The following GRM8 variants were observed in gnomAD, a reference collection of about 807,000 sequenced individuals.
The protein encoded by GRM8 is metabotropic glutamate receptor 8.
A neutral mutation model predicts 87.2 loss-of-function variants in GRM8; 47 were observed. The ratio of observed to expected loss-of-function variants is 0.54; its 90% CI spans 0.43 to 0.69. The LOEUF (loss-of-function observed/expected upper bound fraction) is 0.69, where lower values mean the gene tolerates loss of function less well. Among genes scored for constraint, GRM8 ranks in the 30% least tolerant of loss-of-function variants. The pLI is 0.00. For synonymous variants in GRM8, 396 were observed against 404.5 expected (o/e 0.98, Z 0.25); for missense variants, 1,019 against 1,139.2 (o/e 0.89, Z 1.52).
intron 2 of GRM8, among the ~76,000 whole-genome samples, chr7:127,148,028 G>A (rs909414106): frequency 6.6e-6 from 1 of 151,972 alleles, no homozygotes; most frequent in Admixed American, 6.6e-5. Flanking sequence ...AGAGTCTCAG[G>A]TCCCACCTTA....
chr7:126,955,639 G>A (rs1808598538), intron 3 of GRM8, among the ~76,000 whole-genome samples: 1 of 151,990 alleles, frequency 6.6e-6, no homozygotes, highest in Non-Finnish European at 1.5e-5. Context: ...TCTTTATCTG[G>A]CCTCAAGAGA....
intron 7 of GRM8, among the ~76,000 whole-genome samples, chr7:126,665,725 T>C (rs1805688357): frequency 6.6e-6 from 1 of 152,096 alleles, no homozygotes; most frequent in African/African-American, 2.4e-5. Flanking sequence ...CATGCACTTG[T>C]ACTCCCTGAA....
At chr7:126,620,753 C>T (rs1800074051) in intron 7 of GRM8, among the ~76,000 whole-genome samples, 1 of 152,160 alleles carries the variant, frequency 6.6e-6, no homozygotes. Context: ...AACGCAAACA[C>T]TCATCATCTT....
At position 127,015,056 on chromosome 7, in the gene GRM8, AAGAAGAAGAAGAAAGAAAGAAGGAG is replaced by A. The variant is rs1563413279; in HGVS notation, c.727+91415_727+91439del. Among the ~76,000 whole-genome samples, 430 of 122,852 alleles carry A rather than the reference AAGAAGAAGAAGAAAGAAAGAAGGAG, an allele frequency of 3.5e-3. 3 individuals are homozygous for A. Among genetic ancestry groups the A allele is most frequent in the Non-Finnish European group, 5.7e-3 (307 of 54,312 alleles). 80.6% of individuals were successfully genotyped at this position (122,852 alleles called of 152,430 possible). On this transcript the variant is annotated intron_variant, in intron 3 of 10. Transcript: ENST00000339582. ...GAAGAAGAAGAAGAAGAAGAAGAAG[AAGAAGAAGAAGAAAGAAAGAAGGAG>A]AAGAAGGAGAAGAAGGAGAAGGAGA... is the stretch of plus-strand genomic sequence containing the variant.
chr7:127,094,471 C>T (rs973378365), intron 3 of GRM8, among the ~76,000 whole-genome samples: 4 of 152,280 alleles, frequency 2.6e-5, no homozygotes, highest in South Asian at 2.1e-4. Flanking sequence ...GGGCTCAATC[C>T]GGCAGCCATG....
At chr7:126,570,291 G>T (rs183713075) in intron 8 of GRM8, among the ~76,000 whole-genome samples, 1 of 152,250 alleles carries the variant, frequency 6.6e-6, no homozygotes, top group East Asian at 1.9e-4. Context: ...CCCACTGGGA[G>T]ACAGTGTAGA....
chr7:126,516,945 G>A (rs1346476027), intron 9 of GRM8, among the ~76,000 whole-genome samples: 2 of 151,878 alleles, frequency 1.3e-5, no homozygotes, highest in Non-Finnish European at 2.9e-5. Context: ...TGTTATTAGA[G>A]TGTGGAGAAT....
intron 7 of GRM8, among the ~76,000 whole-genome samples, chr7:126,662,296 G>T (rs1050689881): frequency 1.8e-4 from 27 of 152,196 alleles, no homozygotes; most frequent in Non-Finnish European, 2.5e-4. Context: ...GTGTGAAAAT[G>T]AAAGAAACCA....
At chr7:126,763,462 TATATATATATACAC>T (rs967595024) in intron 7 of GRM8, among the ~76,000 whole-genome samples, 3 of 64,414 alleles carry the variant, frequency 4.7e-5, no homozygotes, top group African/African-American at 1.2e-4. Flanking sequence ...TATATATATA[TATATATATATACAC>T]ACACACACAC....
intron 7 of GRM8, among the ~76,000 whole-genome samples, chr7:126,669,672 A>G (rs1274678756): frequency 6.6e-6 from 1 of 152,262 alleles, no homozygotes; most frequent in African/African-American, 2.4e-5. Context: ...GGTTGCAGTT[A>G]GCACACAATT....
In GRM8 at chr7:126,836,450, C is replaced by T. The variant is rs78447361; in HGVS notation, c.1156+66092G>A. ...CCTTCTGTGTCACTTAAAAGAAATT[C>T]AAATTCCATAACATAGCCCACAATA... On this transcript the variant is annotated intron_variant, in intron 6 of 10. Coordinates refer to ENST00000339582, the MANE Select transcript of GRM8 (RefSeq NM_000845.3). Among the ~76,000 whole-genome samples the T allele has an allele frequency of 9.4e-3, 1,437 of 152,272 alleles. 10 individuals are homozygous for T. The highest frequency in any genetic ancestry group is 0.015 in the Non-Finnish European group (993 of 68,016).
chr7:126,854,976 A>C (rs1304899370), intron 6 of GRM8, among the ~76,000 whole-genome samples: 3 of 152,124 alleles, frequency 2.0e-5, no homozygotes. Context: ...GTTGAATAGA[A>C]GTGGTGAAAG....
chr7:126,786,318 G>A (rs992180451), intron 6 of GRM8, among the ~76,000 whole-genome samples: 3 of 151,954 alleles, frequency 2.0e-5, no homozygotes, highest in Admixed American at 6.6e-5. Flanking sequence ...CCAAATTAAC[G>A]AACTTTTTAA....
intron 2 of GRM8, among the ~76,000 whole-genome samples, chr7:127,156,269 C>A (rs1792724324): frequency 1.3e-5 from 2 of 152,078 alleles, no homozygotes; most frequent in South Asian, 2.1e-4. Flanking sequence ...AATAGCAGCA[C>A]CAGCCCACCT....
intron 7 of GRM8, among the ~76,000 whole-genome samples, chr7:126,632,495 C>A (rs771577852): frequency 6.6e-6 from 1 of 152,074 alleles, no homozygotes. Context: ...AGATTTAAAA[C>A]CAGAAATACC....
intron 3 of GRM8, among the ~76,000 whole-genome samples, chr7:126,958,796 A>G (rs1809016694): frequency 6.6e-6 from 1 of 152,196 alleles, no homozygotes; most frequent in African/African-American, 2.4e-5. Flanking sequence ...AAAGATCCAA[A>G]TCTATTATTA....
intron 9 of GRM8, among the ~76,000 whole-genome samples, chr7:126,450,625 AT>A (rs34548667): frequency 2.2e-3 from 324 of 147,874 alleles, no homozygotes; most frequent in East Asian, 0.016. Context: ...ACTAGAAGTG[AT>A]TTTTTTTTTT....
chr7:126,444,821 G>A (rs920589627), intron 10 of GRM8, among the ~76,000 whole-genome samples: 1 of 151,948 alleles, frequency 6.6e-6, no homozygotes, highest in Non-Finnish European at 1.5e-5. Flanking sequence ...ATGAATATGA[G>A]AGGAAGAGAA....
intron 8 of GRM8, among the ~76,000 whole-genome samples, chr7:126,597,589 T>A (rs1463237868): frequency 6.6e-6 from 1 of 152,100 alleles, no homozygotes; most frequent in East Asian, 1.9e-4. Flanking sequence ...CTCCCAAGGT[T>A]AAAATAAGGA....
Sources: allele counts gnomAD v4.1 joint callset (sites outside exome capture counted in the v4.1 genomes callset), GRCh38; gene constraint gnomAD v4.1.1; transcripts MANE v1.5; gene names NCBI Gene and HGNC (gene_info 2026-07-23, HGNC 2026-07-21).